The following EML5 variants were observed in gnomAD, a reference collection of about 807,000 sequenced individuals.
The protein encoded by EML5 is echinoderm microtubule-associated protein-like 5.
A neutral mutation model predicts 250.0 loss-of-function variants in EML5; 120 were observed. The ratio of observed to expected loss-of-function variants is 0.48; its 90% CI spans 0.41 to 0.56. EML5 has a LOEUF of 0.56. Ranked by LOEUF, EML5 falls within the 20% of genes least tolerant of loss-of-function variation. The pLI, the probability that EML5 is intolerant of heterozygous loss-of-function variation, is 0.00. For missense variants in EML5, 2,006 were observed against 2,437.6 expected, an observed-to-expected ratio of 0.82 and a Z score of 3.73; for synonymous variants, 771 against 806.5, an observed-to-expected ratio of 0.96 and a Z score of 0.75.
intron 19 of EML5, among the ~76,000 whole-genome samples, chr14:88,686,007 G>A (rs1018560347): frequency 6.6e-6 from 1 of 152,064 alleles, no homozygotes; most frequent in Non-Finnish European, 1.5e-5. Context: ...AAAGATGATA[G>A]ACTCAACTCA....
Position 88,792,394 on chromosome 14 carries a change from A to G in EML5, c.110T>C (p.Val37Ala). 6.4e-7 allele frequency: 1 copy of G among 1,571,734 alleles called. No homozygotes were observed. The highest frequency in any genetic ancestry group is 8.6e-7 in the Non-Finnish European group (1 of 1,160,528). ...NLYYTAAKEI[V>A]YFVAGVGVVY... ...CACGCCGACCCCCGCCACGAAGTAT[A>G]CGATCTCCTTGGCCGCAGTGTAGTA... The change falls in exon 1 of 44, where the codon GTA becomes GCA. Residue 37 changes from valine to alanine, a missense_variant. Val to Ala is a moderately conservative substitution (Grantham distance 64). This residue lies in a region of EML5 where 162 missense variants were observed against 212.2 expected (regional missense o/e 0.76). Transcript: ENST00000554922. The surrounding 1 kb of genome is among the most constrained non-coding windows in gnomAD (Gnocchi z 6.9).
In EML5 at chr14:88,682,231, C is replaced by T. The variant is rs540154728; in HGVS notation, c.2983-200G>A. On this transcript the variant is annotated intron_variant, in intron 20 of 43. Coordinates refer to ENST00000554922, the MANE Select transcript of EML5 (RefSeq NM_183387.3). ...TGTAACAACTTTAGCTCCACAATTA[C>T]CATATAATCAAGCTACAATTAAAGT... 1.2e-4 allele frequency among the ~76,000 whole-genome samples: 18 copies of T among 152,080 alleles called. No individual in the cohort carries two copies. In the South Asian group the frequency reaches 2.7e-3, roughly 23 times the overall value.
At chr14:88,779,867 C>T (rs1349677210) in intron 1 of EML5, among the ~76,000 whole-genome samples, 1 of 152,122 alleles carries the variant, frequency 6.6e-6, no homozygotes, top group Non-Finnish European at 1.5e-5. Flanking sequence ...ATGGACATTT[C>T]CAATTCAAAT....
chr14:88,752,150 A>T (rs2094105797), intron 2 of EML5, among the ~76,000 whole-genome samples: 2 of 152,196 alleles, frequency 1.3e-5, no homozygotes, highest in Non-Finnish European at 2.9e-5. Flanking sequence ...AAGTAAGTGA[A>T]ATTAAACACT....
chr14:88,681,980 T>C lies in EML5; in HGVS notation c.3034A>G (p.Ile1012Val). The change falls in exon 21 of 44, where the codon ATC (isoleucine) becomes GTC (valine). Residue 1012 changes from isoleucine to valine, a missense_variant. Around this residue, in one of 7 missense-constraint regions of EML5, gnomAD observed 1,375 missense variants for 1,590.3 expected, o/e 0.86. Transcript: ENST00000554922. ...TTATCATCGCTTACAGTAGCACAGA[T>C]GGGCAGATAAGGGTGTGTAGCTAAA... The part of the protein sequence containing the change: ...WGLATHPYLP[I>V]CATVSDDKTL... 2.5e-6 allele frequency: 4 copies of C among 1,613,472 alleles called. No individual in the cohort carries two copies. Among genetic ancestry groups the C allele is most frequent in the Non-Finnish European group, 3.4e-6 (4 of 1,179,712 alleles).
chr14:88,733,958 A>G (rs1251838569), intron 7 of EML5, among the ~76,000 whole-genome samples: 1 of 151,074 alleles, frequency 6.6e-6, no homozygotes, highest in African/African-American at 2.5e-5. Context: ...TATATGAAAA[A>G]TAACAACAAC....
At chr14:88,659,765 G>GA (rs1307896036) in intron 25 of EML5, among the ~76,000 whole-genome samples, 2 of 152,166 alleles carry the variant, frequency 1.3e-5, no homozygotes, top group African/African-American at 4.8e-5. Context: ...TCTAAAACAG[G>GA]AATCAGTGGA....
intron 2 of EML5, 57 bp downstream of exon 2, chr14:88,754,455 T>C: frequency 3.6e-6 from 5 of 1,395,916 alleles, no homozygotes; most frequent in Non-Finnish European, 9.5e-7. Context: ...TTTATAATCA[T>C]TTTCTATAAT....
chr14:88,705,336 C>G (rs1245752835), intron 12 of EML5, 146 bp downstream of exon 12: 1 of 693,612 alleles, frequency 1.4e-6, no homozygotes, highest in African/African-American at 1.8e-5. Flanking sequence ...CAAGTGTACT[C>G]TAACACTGAC....
chr14:88,670,603 G>A (rs1340045166), intron 21 of EML5, among the ~76,000 whole-genome samples: 2 of 152,134 alleles, frequency 1.3e-5, no homozygotes, highest in Non-Finnish European at 2.9e-5. Flanking sequence ...TCAGAAGGTG[G>A]GTAATAATGA....
At chr14:88,618,165 A>G in intron 41 of EML5, 63 bp downstream of exon 41, 1 of 1,411,634 alleles carries the variant, frequency 7.1e-7, no homozygotes, top group Non-Finnish European at 9.9e-7. Context: ...AACAGTTCAG[A>G]AATAGGATTT....
At chr14:88,739,874 A>G (rs2140239661) in intron 5 of EML5, among the ~76,000 whole-genome samples, 1 of 152,336 alleles carries the variant, frequency 6.6e-6, no homozygotes, top group South Asian at 2.1e-4. Context: ...GGACTTTTCT[A>G]CACAAAGATC....
intron 21 of EML5, among the ~76,000 whole-genome samples, chr14:88,666,873 A>T (rs2092322529): frequency 2.0e-5 from 3 of 152,220 alleles, no homozygotes; most frequent in Non-Finnish European, 4.4e-5. Context: ...TCATTTAATT[A>T]TCAAGCATAC....
At chr14:88,657,565 A>G (rs1231657928) in intron 26 of EML5, 63 bp from the exon 27 acceptor site, 2 of 1,441,918 alleles carry the variant, frequency 1.4e-6, no homozygotes, top group Non-Finnish European at 1.9e-6. Context: ...GATCTTATAA[A>G]TTGGATACAA....
intron 27 of EML5, among the ~76,000 whole-genome samples, chr14:88,656,304 C>A (rs2091867090): frequency 6.6e-6 from 1 of 152,174 alleles, no homozygotes; most frequent in South Asian, 2.1e-4. Flanking sequence ...AGGATGAGTT[C>A]ATGTCCTTTG....
At chr14:88,718,688 AAG>A (rs2093542034) in intron 8 of EML5, among the ~76,000 whole-genome samples, 2 of 152,212 alleles carry the variant, frequency 1.3e-5, no homozygotes, top group African/African-American at 4.8e-5. Context: ...ATTAGAAGAA[AAG>A]AGAGAATAAA....
In EML5 at chr14:88,621,212, C is replaced by T. The variant is rs2088855410; in HGVS notation, c.5103G>A (p.Val1701=). The change falls in exon 38 of 44, where the codon GTG becomes GTA. Residue 1701 remains valine, a synonymous_variant. Coordinates refer to ENST00000554922, the MANE Select transcript of EML5 (RefSeq NM_183387.3). The stretch of plus-strand genomic sequence containing the variant: ...TTGCTAGTCCCCAGATTGGCCCATC[C>T]ACATGACCGTTAACTAAAATATTAC... The part of the protein sequence containing the change: ...AACNILVNGH[V]DGPIWGLATH... 1.2e-6 allele frequency: 2 copies of T among 1,613,910 alleles called. No homozygotes were observed. The highest frequency in any genetic ancestry group is 2.2e-5 in the South Asian group (2 of 91,088).
At chr14:88,790,793 G>C (rs556492197) in intron 1 of EML5, among the ~76,000 whole-genome samples, 14 of 152,216 alleles carry the variant, frequency 9.2e-5, no homozygotes, top group Non-Finnish European at 1.9e-4. Flanking sequence ...CAAGACACTG[G>C]GGTAAACTCT....
At chr14:88,674,835 T>C (rs903179869) in intron 21 of EML5, among the ~76,000 whole-genome samples, 1 of 152,172 alleles carries the variant, frequency 6.6e-6, no homozygotes, top group African/African-American at 2.4e-5. Context: ...GGTACAGGCA[T>C]TGGATAATAC....
Sources: allele counts gnomAD v4.1 joint callset (sites outside exome capture counted in the v4.1 genomes callset), GRCh38; gene constraint gnomAD v4.1.1; regional missense constraint gnomAD v4.1.1; non-coding constraint Gnocchi (gnomAD v3.1); transcripts MANE v1.5; gene names NCBI Gene and HGNC (gene_info 2026-07-23, HGNC 2026-07-21).